Variants in SYNE2 observed in about 807,000 individuals in gnomAD.
SYNE2 encodes spectrin repeat containing nuclear envelope protein 2, also known as nesprin-2.
A neutral mutation model predicts 856.3 loss-of-function variants in SYNE2; 431 were observed. The ratio of observed to expected loss-of-function variants is 0.50; its 90% confidence interval spans 0.47 to 0.55. SYNE2 has a LOEUF of 0.55. Ranked by LOEUF, SYNE2 falls within the 20% of genes least tolerant of loss-of-function variation. SYNE2 has a pLI of 0.00. For synonymous variants in SYNE2, 2,923 were observed against 2,872.3 expected (o/e 1.02, Z -0.56); for missense variants, 8,129 against 8,023.2 (o/e 1.01, Z -0.50).
At chr14:64,223,692 C>T (rs915546516) in intron 113 of SYNE2, among the ~76,000 whole-genome samples, 1 of 152,116 alleles carries the variant, frequency 6.6e-6, no homozygotes, top group Admixed American at 6.5e-5. Flanking sequence ...TCTTGAACTC[C>T]TGACCTCAAG....
chr14:64,013,823 T>C (rs1391619876), intron 32 of SYNE2, among the ~76,000 whole-genome samples: 2 of 152,136 alleles, frequency 1.3e-5, no homozygotes, highest in Non-Finnish European at 2.9e-5. Context: ...TTTGAGATAA[T>C]GGTAAACTCA....
chr14:63,813,353 G>C (rs551464400), intron 1 of SYNE2, among the ~76,000 whole-genome samples: 1 of 152,310 alleles, frequency 6.6e-6, no homozygotes, highest in Admixed American at 6.5e-5. Flanking sequence ...TACTAGCCCT[G>C]TTCATTGTCT....
rs1566949091 is a variant in SYNE2 at position 63,974,851 on chromosome 14, C to CGTGTGTGT, written c.1129-1712_1129-1711insGTGTGTGT. Among the ~76,000 whole-genome samples the CGTGTGTGT allele has an allele frequency of 6.8e-4, 36 of 52,820 alleles. 1 individual carries two copies. The highest frequency in any genetic ancestry group is 1.2e-3 in the East Asian group (2 of 1,652). 34.7% of individuals were successfully genotyped at this position (52,820 alleles called of 152,430 possible). A position where few individuals can be genotyped will look rare whatever the true frequency, so the allele number is the denominator to read the frequency against. ...GTATATAGACGTGTGTGTGTGTGTA[C>CGTGTGTGT]ATGTGTGTGTGTGTGTGTGTGTGTG... On this transcript the variant is annotated intron_variant, in intron 11 of 115. Transcript: ENST00000555002.
At chr14:63,966,359 A>C (rs2096391044) in intron 10 of SYNE2, among the ~76,000 whole-genome samples, 1 of 147,584 alleles carries the variant, frequency 6.8e-6, no homozygotes, top group Non-Finnish European at 1.5e-5. Context: ...TACAAAAAAT[A>C]CAAAAAAAAA....
At chr14:64,025,740 A>C (rs1217663509) in intron 41 of SYNE2, among the ~76,000 whole-genome samples, 1 of 152,164 alleles carries the variant, frequency 6.6e-6, no homozygotes, top group Non-Finnish European at 1.5e-5. Flanking sequence ...TAGGATGTCA[A>C]AAGAACATAT....
chr14:63,990,797 G>A, intron 20 of SYNE2, 145 bp from the exon 21 acceptor site: 1 of 785,860 alleles, frequency 1.3e-6, no homozygotes, highest in Non-Finnish European at 2.1e-6. Flanking sequence ...AATTTAGATA[G>A]ATTTATAATT....
chr14:64,070,941 G>A (rs1186574584), intron 52 of SYNE2, 31 bp downstream of exon 52: 1 of 1,611,910 alleles, frequency 6.2e-7, no homozygotes, highest in Non-Finnish European at 8.5e-7. Flanking sequence ...TTAAGGACGT[G>A]TGCTTGACAA....
Position 63,991,767 on chromosome 14 carries a change from G to A in SYNE2, c.2646+652G>A, listed in dbSNP as rs113458353. Among the ~76,000 whole-genome samples the A allele has an allele frequency of 7.9e-5, 12 of 152,270 alleles. 1 individual carries two copies. The highest frequency in any genetic ancestry group is 2.4e-4 in the African/African-American group (10 of 41,566). Reference sequence around the variant, plus strand: ...CCTTGGAGCAAATTGGAGAGGTAGAGTAATACTTTTTTTCATTCATATTCA... The same window carrying A: ...CCTTGGAGCAAATTGGAGAGGTAGAATAATACTTTTTTTCATTCATATTCA... On this transcript the variant is annotated intron_variant, in intron 21 of 115. Transcript: ENST00000555002.
intron 9 of SYNE2, 137 bp downstream of exon 9, chr14:63,961,762 T>A (rs2096318079): frequency 1.4e-6 from 1 of 706,514 alleles, no homozygotes; most frequent in Admixed American, 2.1e-5. Context: ...AAATCATACT[T>A]CAATCATGAT....
Position 64,219,216 on chromosome 14 carries a change from G to A in SYNE2, c.19666G>A (p.Asp6556Asn), listed in dbSNP as rs760291208. 5 of 1,609,872 alleles carry A rather than the reference G, an allele frequency of 3.1e-6. No homozygotes were observed. The highest frequency in any genetic ancestry group is 1.7e-5 in the Admixed American group (1 of 59,602). Residue 6556 changes from aspartate to asparagine, a missense_variant, in exon 110 of 116, where the codon GAC (aspartate) becomes AAC (asparagine). Physicochemically the swap from Asp to Asn is conservative, Grantham distance 23. Coordinates refer to ENST00000555002, the MANE Select transcript of SYNE2 (RefSeq NM_182914.3). ...CGATTTTTTAATTCCAGGTGCCTTC[G>A]ACAGATGGGAGATGATTCAAGCACA... ...GITEQQSGAF[D>N]RWEMIQAQEL... is the part of the protein sequence containing the mutation.
chr14:63,986,341 C>A, intron 18 of SYNE2, 115 bp from the exon 19 acceptor site: 1 of 1,094,230 alleles, frequency 9.1e-7, no homozygotes, highest in East Asian at 2.6e-5. Context: ...CTCAAGCAAT[C>A]CTCCTGCCCT....
chr14:64,072,360 C>G (rs917965893), intron 52 of SYNE2, among the ~76,000 whole-genome samples: 1 of 152,216 alleles, frequency 6.6e-6, no homozygotes, highest in Admixed American at 6.5e-5. Flanking sequence ...TCAGGCAGTT[C>G]TCCAGCAGAC....
intron 1 of SYNE2, among the ~76,000 whole-genome samples, chr14:63,831,613 T>A (rs1353557691): frequency 7.2e-6 from 1 of 138,650 alleles, no homozygotes. Context: ...AGGAGTGCAG[T>A]GGCACAATCT....
chr14:63,876,519 G>A (rs1456481111), intron 1 of SYNE2, among the ~76,000 whole-genome samples: 1 of 143,668 alleles, frequency 7.0e-6, no homozygotes, highest in African/African-American at 2.6e-5. Flanking sequence ...ACCGAGTCTC[G>A]CTCTGTTGCC....
intron 1 of SYNE2, among the ~76,000 whole-genome samples, chr14:63,816,371 T>G (rs1024105745): frequency 9.2e-5 from 14 of 152,266 alleles, no homozygotes; most frequent in Non-Finnish European, 1.8e-4. Flanking sequence ...TTCAATGGAT[T>G]ATGGAACAAT....
At chr14:63,982,287 A>G (rs1295435915) in intron 16 of SYNE2, among the ~76,000 whole-genome samples, 4 of 152,226 alleles carry the variant, frequency 2.6e-5, no homozygotes, top group Admixed American at 2.6e-4. Flanking sequence ...CCATGTAGAA[A>G]GAGATAAGAT....
chr14:64,043,006 A>G (rs1030864142), intron 45 of SYNE2, among the ~76,000 whole-genome samples: 2 of 152,202 alleles, frequency 1.3e-5, no homozygotes, highest in Non-Finnish European at 2.9e-5. Flanking sequence ...CAAAAACCTC[A>G]TAGTGAAATG....
chr14:64,138,038 G>T (rs546434823), intron 79 of SYNE2, 55 bp downstream of exon 79: 440 of 1,566,056 alleles, frequency 2.8e-4, no homozygotes, highest in Non-Finnish European at 3.7e-4. Flanking sequence ...GAAAGACCTC[G>T]GGGATTCTGT....
chr14:63,990,634 C>A, intron 20 of SYNE2, 65 bp downstream of exon 20: 1 of 1,415,444 alleles, frequency 7.1e-7, no homozygotes, highest in Non-Finnish European at 1.0e-6. Flanking sequence ...ACTGAGTGGG[C>A]AGTGAAGGGG....
Sources: allele counts gnomAD v4.1 joint callset (sites outside exome capture counted in the v4.1 genomes callset), GRCh38; gene constraint gnomAD v4.1.1; transcripts MANE v1.5; gene names NCBI Gene and HGNC (gene_info 2026-07-23, HGNC 2026-07-21).